The following GALK2 variants were observed in gnomAD, a reference collection of about 807,000 sequenced individuals.
GALK2 encodes galactokinase 2, also known as N-acetylgalactosamine kinase.
GALK2 carries 36 observed loss-of-function variants against 52.4 expected under a neutral mutation model. The observed-to-expected ratio is 0.69, with a 90% CI of 0.53 to 0.91. GALK2 has a LOEUF of 0.91. Among genes scored for constraint, GALK2 ranks in the 40% least tolerant of loss-of-function variants. The pLI is 0.00. For missense variants in GALK2, 579 were observed against 559.1 expected, an observed-to-expected ratio of 1.04 and a Z score of -0.36; for synonymous variants, 176 against 199.1, an observed-to-expected ratio of 0.88 and a Z score of 0.98.
intron 8 of GALK2, among the ~76,000 whole-genome samples, chr15:49,314,325 C>A (rs1469470175): frequency 6.6e-6 from 1 of 152,078 alleles, no homozygotes; most frequent in Non-Finnish European, 1.5e-5. Context: ...ATCTGTAAAG[C>A]AAAATACAAT....
At chr15:49,241,906 T>C (rs1160243118) in intron 5 of GALK2, among the ~76,000 whole-genome samples, 1 of 152,222 alleles carries the variant, frequency 6.6e-6, no homozygotes, top group Non-Finnish European at 1.5e-5. Context: ...CGGAACTATC[T>C]TACTGCAGTG....
intron 1 of GALK2, among the ~76,000 whole-genome samples, chr15:49,192,816 T>C (rs2086869581): frequency 6.6e-6 from 1 of 151,886 alleles, no homozygotes; most frequent in South Asian, 2.1e-4. Context: ...TAAGGGCCTT[T>C]TAAAAATTTT....
chr15:49,290,395 G>T (rs942771945), intron 7 of GALK2, among the ~76,000 whole-genome samples: 1 of 152,198 alleles, frequency 6.6e-6, no homozygotes, highest in African/African-American at 2.4e-5. Flanking sequence ...GGGCTCACTG[G>T]ACAACTGGTG....
intron 1 of GALK2, among the ~76,000 whole-genome samples, chr15:49,191,711 G>T (rs373916156): frequency 2.0e-5 from 3 of 152,092 alleles, no homozygotes. Context: ...TTTCTCTTCT[G>T]TAACTTATAA....
intron 3 of GALK2, among the ~76,000 whole-genome samples, chr15:49,344,507 T>C (rs2041186993): frequency 6.6e-6 from 1 of 152,156 alleles, no homozygotes; most frequent in South Asian, 2.1e-4. Context: ...TCATCCCCAA[T>C]TGTGTGTTCC....
intron 9 of GALK2, among the ~76,000 whole-genome samples, chr15:49,320,545 C>T (rs537769037): frequency 6.6e-6 from 1 of 152,344 alleles, no homozygotes; most frequent in South Asian, 2.1e-4. Flanking sequence ...GATGTTACTT[C>T]ACTGTGAGAA....
Position 49,210,629 on chromosome 15 carries a change from C to T in GALK2, c.143-6561C>T, listed in dbSNP as rs553809306. 9.0e-4 allele frequency among the ~76,000 whole-genome samples: 136 copies of T among 151,920 alleles called. 5 individuals carry two copies. The South Asian group carries it at 0.027, about 30-fold the overall frequency. On this transcript the variant is annotated intron_variant, in intron 2 of 9. Coordinates refer to ENST00000560031, the MANE Select transcript of GALK2 (RefSeq NM_002044.4). Reference sequence around the variant, plus strand: ...TAATTTTTTGTATTTTTAGTAGAGACAGGGTTTCACCACGAAGGCCAGGCT... The same window carrying T: ...TAATTTTTTGTATTTTTAGTAGAGATAGGGTTTCACCACGAAGGCCAGGCT...
chr15:49,320,385 A>C (rs1437364649), intron 9 of GALK2, among the ~76,000 whole-genome samples: 3 of 152,224 alleles, frequency 2.0e-5, no homozygotes, highest in Non-Finnish European at 4.4e-5. Context: ...TAATAGAGGC[A>C]GAAATGTAAA....
In GALK2 at chr15:49,282,073, A is replaced by G; in HGVS notation, c.591A>G (p.Ala197=). Residue 197 remains alanine (A), a synonymous_variant, in exon 6 of 10, where the codon GCA becomes GCG. Coordinates refer to ENST00000560031, the MANE Select transcript of GALK2 (RefSeq NM_002044.4). ...TGGACCAGTCTATATCATTTCTTGCAGAAGAAGGAACTGTAGGTAGCATTC... is the reference window on the plus strand; with the variant it reads ...TGGACCAGTCTATATCATTTCTTGCGGAAGAAGGAACTGTAGGTAGCATTC... ...GGMDQSISFL[A]EEGTAKLIEF... 6.2e-7 allele frequency: 1 copy of G among 1,611,414 alleles called. No homozygotes were observed. Among genetic ancestry groups the G allele is most frequent in the Non-Finnish European group, 8.5e-7 (1 of 1,177,720 alleles).
At position 49,281,691 on chromosome 15, in the gene GALK2, T is replaced by C. The variant is rs1276662084; in HGVS notation, c.505-296T>C. ...TCAGTGATACCAGTCTAGGGAAGGA[T>C]AGAGTAAATAGAAAGATGGTAGAAA... On this transcript the variant is annotated intron_variant, in intron 5 of 9. Coordinates refer to ENST00000560031, the MANE Select transcript of GALK2 (RefSeq NM_002044.4). Among the ~76,000 whole-genome samples the C allele has an allele frequency of 2.0e-5, 3 of 152,158 alleles. No homozygotes were observed. The East Asian group carries it at 5.8e-4, about 29-fold the overall frequency.
At chr15:49,225,231 G>A (rs886422545) in intron 3 of GALK2, 11 of 455,852 alleles carry the variant, frequency 2.4e-5, no homozygotes, top group Admixed American at 1.6e-4. Flanking sequence ...GGCTCCCTCA[G>A]GCAGAGGCTA....
chr15:49,260,777 C>A (rs1020564767), intron 5 of GALK2, among the ~76,000 whole-genome samples: 9 of 152,148 alleles, frequency 5.9e-5, no homozygotes, highest in South Asian at 2.1e-4. Context: ...TTTCAGCTTT[C>A]TACATATGGC....
chr15:49,230,140 C>T (rs1026892364), intron 3 of GALK2, among the ~76,000 whole-genome samples: 2 of 152,068 alleles, frequency 1.3e-5, no homozygotes, highest in African/African-American at 4.8e-5. Flanking sequence ...CTGTTGATCC[C>T]CATGGCAGGA....
chr15:49,218,172 T>C (rs2089529160), intron 3 of GALK2, among the ~76,000 whole-genome samples: 1 of 152,220 alleles, frequency 6.6e-6, no homozygotes, highest in Non-Finnish European at 1.5e-5. Context: ...TTGATAAGAC[T>C]CTATACCAGT....
At chr15:49,230,331 G>T (rs191693927) in intron 3 of GALK2, among the ~76,000 whole-genome samples, 3 of 152,324 alleles carry the variant, frequency 2.0e-5, no homozygotes, top group Admixed American at 2.0e-4. Flanking sequence ...GGCTAGGATT[G>T]CAGGAGTCCT....
intron 2 of GALK2, among the ~76,000 whole-genome samples, chr15:49,210,957 T>TCACACACA (rs764698505): frequency 0.062 from 7,001 of 112,450 alleles, 272 homozygotes; most frequent in Non-Finnish European, 0.085. Flanking sequence ...ATGTTGGCTG[T>TCACACACA]CACACACACA....
intron 5 of GALK2, among the ~76,000 whole-genome samples, chr15:49,270,308 A>G (rs1352778381): frequency 3.3e-5 from 5 of 152,204 alleles, no homozygotes; most frequent in Non-Finnish European, 7.3e-5. Flanking sequence ...CCAAGGTGAA[A>G]GGGCAATAGT....
intron 3 of GALK2, chr15:49,365,224 T>C: frequency 9.8e-7 from 1 of 1,021,934 alleles, no homozygotes; most frequent in Non-Finnish European, 1.6e-6. Context: ...TCCAGAACTT[T>C]TTCATTTCCT....
chr15:49,280,312 G>A (rs1450403542), intron 5 of GALK2, among the ~76,000 whole-genome samples: 1 of 152,224 alleles, frequency 6.6e-6, no homozygotes, highest in Non-Finnish European at 1.5e-5. Flanking sequence ...CATATGGGTG[G>A]TGGTGCAGGT....
Sources: gnomAD v4.1 joint callset for allele counts (sites outside exome capture counted in the v4.1 genomes callset) on GRCh38, gnomAD v4.1.1 for gene constraint, MANE v1.5 for transcripts, NCBI Gene and HGNC (gene_info 2026-07-23, HGNC 2026-07-21) for gene names.